The following DCDC2 variants were observed in gnomAD, a reference collection of about 807,000 sequenced individuals.
DCDC2 encodes the protein doublecortin domain containing 2, also known as doublecortin domain-containing protein 2.
Under a neutral mutation model 50.2 loss-of-function variants are expected in DCDC2, and 40 were observed. The ratio of observed to expected loss-of-function variants is 0.80; its 90% CI spans 0.62 to 1.04. The LOEUF (loss-of-function observed/expected upper bound fraction) is 1.04. Ranked by LOEUF, DCDC2 falls within the 50% of genes least tolerant of loss-of-function variation. The pLI is 0.00. For synonymous variants in DCDC2, 234 were observed against 210.6 expected, an observed-to-expected ratio of 1.11 and a Z score of -0.96; for missense variants, 570 against 581.9, an observed-to-expected ratio of 0.98 and a Z score of 0.21.
At chr6:24,289,135 G>A (rs546074440) in intron 5 of DCDC2, among the ~76,000 whole-genome samples, 61 of 152,242 alleles carry the variant, frequency 4.0e-4, no homozygotes, top group Non-Finnish European at 7.9e-4. Flanking sequence ...TTTAATCAAT[G>A]CTTACAAGTA....
chr6:24,319,841 G>A (rs1269002238), intron 2 of DCDC2, among the ~76,000 whole-genome samples: 4 of 152,118 alleles, frequency 2.6e-5, no homozygotes, highest in African/African-American at 9.7e-5. Flanking sequence ...GATGGAGGGA[G>A]AGGAGCAACC....
At chr6:24,217,632 T>C (rs1456927974) in intron 7 of DCDC2, among the ~76,000 whole-genome samples, 1 of 152,218 alleles carries the variant, frequency 6.6e-6, no homozygotes, top group Non-Finnish European at 1.5e-5. Flanking sequence ...GAATTGCTCA[T>C]TAAATCTGAG....
chr6:24,288,818 T>A (rs372177610), intron 6 of DCDC2, 34 bp downstream of exon 6: 1 of 1,577,796 alleles, frequency 6.3e-7, no homozygotes, highest in South Asian at 1.1e-5. Context: ...TATAAAAATA[T>A]AGAACATCAA....
chr6:24,355,332 A>C (rs1760446720), intron 1 of DCDC2, among the ~76,000 whole-genome samples: 3 of 152,232 alleles, frequency 2.0e-5, no homozygotes, highest in African/African-American at 7.2e-5. Context: ...CATGAACTAT[A>C]AAAGTGAGTC....
At chr6:24,264,324 AAC>A (rs1050532297) in intron 7 of DCDC2, among the ~76,000 whole-genome samples, 1 of 152,224 alleles carries the variant, frequency 6.6e-6, no homozygotes, top group African/African-American at 2.4e-5. Flanking sequence ...TAAGTAGGCA[AAC>A]ACAGAATATT....
rs1763395653 is a variant in DCDC2, at chr6:24,277,974, G to A, written c.922+75C>T. 3.3e-6 allele frequency: 4 copies of A among 1,214,178 alleles called. No individual in the cohort carries two copies. In the East Asian group the frequency reaches 9.7e-5, roughly 29 times the overall value. The allele number at this position is 1,214,178 out of a possible 1,614,324, so 75.2% of individuals were successfully genotyped here. A position where few individuals can be genotyped will look rare whatever the true frequency, so the allele number is the denominator to read the frequency against. ...TATGAAAATAAGGAATATCTTCTGTGGGCCCAGAGAAACAATGGATCTATT... is the reference window on the plus strand; with the variant it reads ...TATGAAAATAAGGAATATCTTCTGTAGGCCCAGAGAAACAATGGATCTATT... On this transcript the variant is annotated intron_variant, in intron 7 of 9. Transcript: ENST00000378454.
the DCDC2 span, among the ~76,000 whole-genome samples, chr6:24,368,129 T>TA: frequency 6.7e-5 from 10 of 149,366 alleles, no homozygotes; most frequent in African/African-American, 1.2e-4. Flanking sequence ...GGACTTCAGT[T>TA]AAAAAAAAAG....
chr6:24,244,173 T>C (rs1762622109), intron 7 of DCDC2, among the ~76,000 whole-genome samples: 1 of 152,068 alleles, frequency 6.6e-6, no homozygotes, highest in African/African-American at 2.4e-5. Flanking sequence ...CCAGAAGACT[T>C]CAAAATAAAT....
At chr6:24,372,650 GC>G in the DCDC2 span, among the ~76,000 whole-genome samples, 75 of 152,054 alleles carry the variant, frequency 4.9e-4, no homozygotes, top group Non-Finnish European at 9.7e-4. Flanking sequence ...ATCATTCTCA[GC>G]AAACTATCGC....
chr6:24,353,241 A>G, intron 2 of DCDC2: 1 of 472,824 alleles, frequency 2.1e-6, no homozygotes, highest in Non-Finnish European at 4.3e-6. Flanking sequence ...TAGCTTTGGT[A>G]AAGATTTATT....
the DCDC2 span, among the ~76,000 whole-genome samples, chr6:24,383,002 C>T: frequency 2.6e-5 from 4 of 152,146 alleles, no homozygotes; most frequent in East Asian, 1.9e-4. Flanking sequence ...CTTAAGTCAC[C>T]GTGAATTATA....
At chr6:24,306,157 C>T (rs1416477100) in intron 2 of DCDC2, among the ~76,000 whole-genome samples, 1 of 152,096 alleles carries the variant, frequency 6.6e-6, no homozygotes. Flanking sequence ...CTCAGAGCCC[C>T]GTGTAGCCAG....
intron 7 of DCDC2, among the ~76,000 whole-genome samples, chr6:24,231,296 C>T (rs1253956820): frequency 6.6e-6 from 1 of 152,172 alleles, no homozygotes; most frequent in African/African-American, 2.4e-5. Context: ...ACCCCCATCA[C>T]CAAGAGGACT....
chr6:24,231,190 C>T (rs576781725), intron 7 of DCDC2, among the ~76,000 whole-genome samples: 6 of 152,242 alleles, frequency 3.9e-5, no homozygotes, highest in Non-Finnish European at 8.8e-5. Context: ...TGTTGTCAGA[C>T]CTTTCCTTAT....
intron 7 of DCDC2, among the ~76,000 whole-genome samples, chr6:24,207,487 A>T (rs1160126690): frequency 1.3e-5 from 2 of 152,174 alleles, no homozygotes; most frequent in Non-Finnish European, 2.9e-5. Flanking sequence ...GCAAAATAGG[A>T]ATTTTTAATG....
At chr6:24,220,020 C>A (rs1225000707) in intron 7 of DCDC2, among the ~76,000 whole-genome samples, 2 of 152,328 alleles carry the variant, frequency 1.3e-5, no homozygotes, top group East Asian at 1.9e-4. Context: ...ATCAGCCAAC[C>A]TCTTACACTG....
chr6:24,183,313 T>C (rs980101940), intron 8 of DCDC2, among the ~76,000 whole-genome samples: 5 of 152,082 alleles, frequency 3.3e-5, no homozygotes, highest in African/African-American at 1.2e-4. Flanking sequence ...TATGAGTATA[T>C]TACCACAAAA....
At chr6:24,228,264 G>C (rs1762272337) in intron 7 of DCDC2, among the ~76,000 whole-genome samples, 1 of 152,206 alleles carries the variant, frequency 6.6e-6, no homozygotes, top group Non-Finnish European at 1.5e-5. Context: ...CAAATTTGTA[G>C]AAATGTCTGC....
At chr6:24,293,945 A>G (rs1463079003) in intron 4 of DCDC2, among the ~76,000 whole-genome samples, 2 of 152,218 alleles carry the variant, frequency 1.3e-5, no homozygotes, top group Admixed American at 1.3e-4. Context: ...GGTAAATAAT[A>G]AAATTAAGGC....
Sources: allele counts gnomAD v4.1 joint callset (sites outside exome capture counted in the v4.1 genomes callset), GRCh38; gene constraint gnomAD v4.1.1; transcripts MANE v1.5; gene names NCBI Gene and HGNC (gene_info 2026-07-23, HGNC 2026-07-21).